Variants in SNTG1 observed in about 807,000 individuals in gnomAD.
SNTG1 encodes the protein gamma-1-syntrophin.
In SNTG1, 39 loss-of-function variants were observed where a neutral mutation model predicts 74.7. The observed-to-expected ratio is 0.52, with a 90% CI of 0.40 to 0.68. The LOEUF (loss-of-function observed/expected upper bound fraction) is 0.68, where lower values mean the gene tolerates loss of function less well. SNTG1 is among the 30% of genes least tolerant of loss of function. The pLI is 0.00. For synonymous variants in SNTG1, 254 were observed against 217.1 expected (o/e 1.17, Z -1.49); for missense variants, 685 against 609.5 (o/e 1.12, Z -1.30).
chr8:50,756,605 C>T (rs1212724839), intron 18 of SNTG1, among the ~76,000 whole-genome samples: 1 of 151,708 alleles, frequency 6.6e-6, no homozygotes, highest in African/African-American at 2.4e-5. Flanking sequence ...TCTAGGCTTT[C>T]TCTTCTGTTC....
chr8:50,618,913 A>G (rs28653221), intron 13 of SNTG1, among the ~76,000 whole-genome samples: 28,175 of 119,566 alleles, frequency 0.24, 6,045 homozygotes, highest in African/African-American at 0.57. Context: ...GTGTGTGTAT[A>G]TATATATATG....
intron 9 of SNTG1, among the ~76,000 whole-genome samples, chr8:50,524,077 CCTT>C (rs1379095635): frequency 2.0e-5 from 3 of 152,040 alleles, no homozygotes; most frequent in Non-Finnish European, 4.4e-5. Context: ...TCATTTGTTT[CCTT>C]GTTTTTTGTA....
chr8:50,682,983 C>G (rs1402485163), intron 15 of SNTG1, among the ~76,000 whole-genome samples: 1 of 152,188 alleles, frequency 6.6e-6, no homozygotes, highest in Non-Finnish European at 1.5e-5. Flanking sequence ...AAGGATAGTA[C>G]TCCCTACTGC....
At chr8:50,621,274 A>G (rs1230460018) in intron 13 of SNTG1, among the ~76,000 whole-genome samples, 1 of 152,172 alleles carries the variant, frequency 6.6e-6, no homozygotes, top group East Asian at 1.9e-4. Flanking sequence ...TCACACTTTC[A>G]TAGGCAAGAT....
chr8:50,493,720 G>T (rs975513370), intron 8 of SNTG1, among the ~76,000 whole-genome samples: 3 of 150,316 alleles, frequency 2.0e-5, no homozygotes, highest in African/African-American at 7.3e-5. Context: ...TTTTGTACAT[G>T]GAAATTTTCT....
intron 1 of SNTG1, among the ~76,000 whole-genome samples, chr8:49,915,579 A>G (rs1457762839): frequency 6.6e-6 from 1 of 152,224 alleles, no homozygotes; most frequent in Non-Finnish European, 1.5e-5. Context: ...GGACAAACTT[A>G]GTTGACCTGA....
intron 1 of SNTG1, among the ~76,000 whole-genome samples, chr8:50,078,175 T>G (rs1021239583): frequency 1.3e-5 from 2 of 152,232 alleles, no homozygotes; most frequent in Non-Finnish European, 2.9e-5. Flanking sequence ...TATCTTGATT[T>G]CTGTAAGATA....
intron 4 of SNTG1, among the ~76,000 whole-genome samples, chr8:50,416,790 T>A (rs2093019288): frequency 6.6e-6 from 1 of 152,138 alleles, no homozygotes; most frequent in African/African-American, 2.4e-5. Flanking sequence ...TGCTAAGATC[T>A]GTCCATAATA....
At chr8:50,591,190 A>G (rs911487238) in intron 13 of SNTG1, among the ~76,000 whole-genome samples, 2 of 152,132 alleles carry the variant, frequency 1.3e-5, no homozygotes, top group Admixed American at 1.3e-4. Context: ...AAGAACTTAG[A>G]GTTTTATTTA....
At chr8:50,348,562 C>G (rs1188500343) in intron 2 of SNTG1, among the ~76,000 whole-genome samples, 1 of 152,160 alleles carries the variant, frequency 6.6e-6, no homozygotes, top group Non-Finnish European at 1.5e-5. Context: ...CTGAGGAAAG[C>G]AGGACCAATG....
chr8:50,430,488 A>G (rs1182961497), intron 4 of SNTG1, among the ~76,000 whole-genome samples: 2 of 152,214 alleles, frequency 1.3e-5, no homozygotes, highest in Non-Finnish European at 2.9e-5. Context: ...GTTAAATTTC[A>G]ATATACATGT....
intron 1 of SNTG1, among the ~76,000 whole-genome samples, chr8:49,960,782 A>G (rs1374140981): frequency 6.6e-6 from 1 of 152,066 alleles, no homozygotes; most frequent in Non-Finnish European, 1.5e-5. Flanking sequence ...TGACTCTCTG[A>G]GTCTGTATTT....
chr8:50,550,820 A>G (rs1351987295), intron 11 of SNTG1, among the ~76,000 whole-genome samples: 1 of 152,136 alleles, frequency 6.6e-6, no homozygotes, highest in African/African-American at 2.4e-5. Flanking sequence ...CATAATAAAT[A>G]TTAACTATTT....
intron 1 of SNTG1, among the ~76,000 whole-genome samples, chr8:50,165,504 T>G (rs573864028): frequency 6.6e-6 from 1 of 152,228 alleles, no homozygotes; most frequent in Non-Finnish European, 1.5e-5. Flanking sequence ...CAGATAGAGC[T>G]TTTGTATCTG....
rs567783844 is a variant in SNTG1, at chr8:50,656,207, T to G, written c.850-702T>G. Among the ~76,000 whole-genome samples, 4 of 152,296 alleles carry G rather than the reference T, an allele frequency of 2.6e-5. No individual in the cohort carries two copies. The East Asian group carries it at 7.7e-4, about 29-fold the overall frequency. On this transcript the variant is annotated intron_variant, in intron 13 of 18. Transcript: ENST00000642720. ...ATGTTGTTAGAAATGTCATACTTAT[T>G]TGTTAAGTGTTTGTGTATATGTTTG...
intron 8 of SNTG1, among the ~76,000 whole-genome samples, chr8:50,500,760 C>T (rs908630718): frequency 6.6e-6 from 1 of 152,032 alleles, no homozygotes; most frequent in Non-Finnish European, 1.5e-5. Flanking sequence ...CTGCTTTGTT[C>T]TGACTGATTT....
chr8:50,256,340 T>C (rs555266624), intron 2 of SNTG1, among the ~76,000 whole-genome samples: 4 of 152,222 alleles, frequency 2.6e-5, no homozygotes, highest in Admixed American at 2.0e-4. Flanking sequence ...CTAGTCATTA[T>C]ACTAAACTAA....
chr8:50,188,474 G>C (rs1375066494), intron 2 of SNTG1, among the ~76,000 whole-genome samples: 1 of 152,084 alleles, frequency 6.6e-6, no homozygotes, highest in Non-Finnish European at 1.5e-5. Context: ...ACATCATTCA[G>C]ATCCATTTGT....
intron 13 of SNTG1, among the ~76,000 whole-genome samples, chr8:50,648,204 G>C (rs561319042): frequency 6.6e-6 from 1 of 152,122 alleles, no homozygotes; most frequent in Non-Finnish European, 1.5e-5. Flanking sequence ...CATTTCCAAA[G>C]CTAAACTCAG....
Sources: gnomAD v4.1 joint callset for allele counts (sites outside exome capture counted in the v4.1 genomes callset) on GRCh38, gnomAD v4.1.1 for gene constraint, MANE v1.5 for transcripts, NCBI Gene and HGNC (gene_info 2026-07-23, HGNC 2026-07-21) for gene names.